The following GRIP1 variants were observed in gnomAD, a reference collection of about 807,000 sequenced individuals.
GRIP1 encodes the protein glutamate receptor-interacting protein 1.
A neutral mutation model predicts 129.9 loss-of-function variants in GRIP1; 45 were observed. The observed-to-expected ratio is 0.35, with a 90% CI of 0.27 to 0.44. The LOEUF (loss-of-function observed/expected upper bound fraction) is 0.44. Among genes scored for constraint, GRIP1 ranks in the 20% least tolerant of loss-of-function variants. The pLI, the probability that GRIP1 is intolerant of heterozygous loss-of-function variation, is 1.00. For missense variants in GRIP1, 1,196 were observed against 1,396.8 expected (o/e 0.86, Z 2.29); for synonymous variants, 530 against 520.8 (o/e 1.02, Z -0.24).
chr12:66,959,556 A>G (rs2041892393), intron 1 of GRIP1, among the ~76,000 whole-genome samples: 1 of 152,188 alleles, frequency 6.6e-6, no homozygotes, highest in African/African-American at 2.4e-5. Context: ...AATCTTTATG[A>G]TACAGTACAT....
chr12:66,846,662 T>C (rs1332975049), intron 1 of GRIP1, among the ~76,000 whole-genome samples: 1 of 152,188 alleles, frequency 6.6e-6, no homozygotes, highest in East Asian at 1.9e-4. Flanking sequence ...GCCAAAATCA[T>C]CCAATAGTAT....
At chr12:66,868,642 C>T (rs1463818191) in intron 1 of GRIP1, among the ~76,000 whole-genome samples, 1 of 151,962 alleles carries the variant, frequency 6.6e-6, no homozygotes, top group Non-Finnish European at 1.5e-5. Context: ...AATCATCTGC[C>T]CCTCAAAATG....
chr12:66,642,541 T>C (rs564996554), intron 1 of GRIP1, among the ~76,000 whole-genome samples: 156 of 152,268 alleles, frequency 1.0e-3, no homozygotes, highest in African/African-American at 3.6e-3. Flanking sequence ...GGAGCCATCA[T>C]GGTGTCTTCA....
intron 1 of GRIP1, among the ~76,000 whole-genome samples, chr12:66,947,403 G>A (rs1049024119): frequency 1.3e-5 from 2 of 152,200 alleles, no homozygotes; most frequent in Admixed American, 1.3e-4. Context: ...AAATGTGAAA[G>A]TATTTAGAAG....
chr12:66,688,733 T>A (rs1332996444), intron 1 of GRIP1, among the ~76,000 whole-genome samples: 1 of 151,148 alleles, frequency 6.6e-6, no homozygotes, highest in African/African-American at 2.4e-5. Context: ...TCCTTGGGGA[T>A]GTTTTGCAAA....
chr12:67,020,244 TCA>T (rs1184444905), intron 1 of GRIP1, among the ~76,000 whole-genome samples: 2 of 152,216 alleles, frequency 1.3e-5, no homozygotes, highest in Non-Finnish European at 2.9e-5. Context: ...TTGCTTTATT[TCA>T]CAGTCTGTGT....
At chr12:66,767,234 C>G (rs867825937) in intron 1 of GRIP1, among the ~76,000 whole-genome samples, 1 of 151,986 alleles carries the variant, frequency 6.6e-6, no homozygotes. Context: ...CGAAGAAGCA[C>G]CTTCAAATAT....
chr12:66,526,763 T>C (rs1303282087), intron 5 of GRIP1, among the ~76,000 whole-genome samples: 1 of 151,990 alleles, frequency 6.6e-6, no homozygotes, highest in Non-Finnish European at 1.5e-5. Context: ...TGGGAGAGAA[T>C]TTTTGCAATC....
chr12:66,899,706 G>T (rs11176481), intron 1 of GRIP1, among the ~76,000 whole-genome samples: 10,159 of 152,110 alleles, frequency 0.067, 473 homozygotes, highest in East Asian at 0.27. Flanking sequence ...TTTTGCTATG[G>T]GGTAGATACT....
intron 6 of GRIP1, among the ~76,000 whole-genome samples, chr12:66,516,186 AG>A (rs1565816774): frequency 1.3e-5 from 2 of 152,172 alleles, no homozygotes; most frequent in Admixed American, 1.3e-4. Context: ...GAATCCAAGC[AG>A]GATAGGAACT....
In GRIP1 at chr12:66,499,935, AG is replaced by A. The variant is rs1299966411; in HGVS notation, c.724+15683del. ...TGAGGTGGGAGGATAGCTTGAGCCC[AG>A]GGGGTCAGGGCTGCTGTGAACCTAC... is the stretch of plus-strand genomic sequence containing the variant. On this transcript the variant is annotated intron_variant, in intron 7 of 24. Transcript: ENST00000359742. 7.2e-5 allele frequency among the ~76,000 whole-genome samples: 11 copies of A among 152,240 alleles called. No individual in the cohort carries two copies. The South Asian group carries it at 1.9e-3, about 26-fold the overall frequency.
At chr12:66,495,509 A>T (rs1362561975) in intron 7 of GRIP1, among the ~76,000 whole-genome samples, 1 of 152,184 alleles carries the variant, frequency 6.6e-6, no homozygotes, top group Non-Finnish European at 1.5e-5. Context: ...GCAAGATATT[A>T]AAAAAATCTA....
intron 24 of GRIP1, among the ~76,000 whole-genome samples, chr12:66,351,073 A>C (rs2054199773): frequency 6.6e-6 from 1 of 152,188 alleles, no homozygotes; most frequent in African/African-American, 2.4e-5. Flanking sequence ...TGTCTGCGGA[A>C]AACTAAGTGT....
At chr12:66,968,352 T>C (rs939997759) in intron 1 of GRIP1, among the ~76,000 whole-genome samples, 2 of 151,470 alleles carry the variant, frequency 1.3e-5, no homozygotes, top group Admixed American at 1.3e-4. Flanking sequence ...AGTGGGCTTC[T>C]TGTAGACAAT....
chr12:66,604,498 A>C (rs572246948), intron 1 of GRIP1, among the ~76,000 whole-genome samples: 1 of 152,350 alleles, frequency 6.6e-6, no homozygotes, highest in South Asian at 2.1e-4. Flanking sequence ...GTATTCCATA[A>C]AGTTCATTTT....
intron 1 of GRIP1, among the ~76,000 whole-genome samples, chr12:66,939,741 T>C (rs2041553141): frequency 6.6e-6 from 1 of 152,200 alleles, no homozygotes; most frequent in Non-Finnish European, 1.5e-5. Flanking sequence ...TCTCTAGGTA[T>C]CAAGGGAAAT....
chr12:66,999,754 C>G (rs1326135511), intron 1 of GRIP1, among the ~76,000 whole-genome samples: 1 of 152,030 alleles, frequency 6.6e-6, no homozygotes, highest in Non-Finnish European at 1.5e-5. Context: ...AAAAGAAAAA[C>G]AGAGAGAGAA....
At chr12:66,784,248 A>G (rs892833394) in intron 1 of GRIP1, among the ~76,000 whole-genome samples, 6 of 152,170 alleles carry the variant, frequency 3.9e-5, no homozygotes, top group Non-Finnish European at 8.8e-5. Context: ...TTTCACTCCC[A>G]CAGCAGACAT....
intron 13 of GRIP1, among the ~76,000 whole-genome samples, chr12:66,435,636 A>C (rs1259026005): frequency 2.0e-5 from 3 of 152,236 alleles, no homozygotes; most frequent in African/African-American, 7.2e-5. Flanking sequence ...AAGCTTGTGT[A>C]AGTGAGGTCT....
Sources: allele counts gnomAD v4.1 joint callset (sites outside exome capture counted in the v4.1 genomes callset), GRCh38; gene constraint gnomAD v4.1.1; transcripts MANE v1.5; gene names NCBI Gene and HGNC (gene_info 2026-07-23, HGNC 2026-07-21).